LGSN: variants seen among roughly 807,000 people sequenced by gnomAD.
LGSN encodes lengsin.
Under a neutral mutation model 19.5 loss-of-function variants are expected in LGSN, and 21 were observed. The ratio of observed to expected loss-of-function variants is 1.07; its 90% CI spans 0.76 to 1.55. The LOEUF is 1.55. Among genes scored for constraint, LGSN ranks in the 40% most tolerant of loss-of-function variants. The pLI is 0.00. For missense variants in LGSN, 673 were observed against 608.5 expected, an observed-to-expected ratio of 1.11 and a Z score of -1.12; for synonymous variants, 257 against 215.6, an observed-to-expected ratio of 1.19 and a Z score of -1.68.
At chr6:63,556,359 T>C in the LGSN span, among the ~76,000 whole-genome samples, 1 of 152,086 alleles carries the variant, frequency 6.6e-6, no homozygotes, top group Non-Finnish European at 1.5e-5. Flanking sequence ...TTTTTCTTTT[T>C]TTGTAGAGAC....
chr6:63,436,453 T>G, the LGSN span, among the ~76,000 whole-genome samples: 3 of 152,234 alleles, frequency 2.0e-5, no homozygotes, highest in Non-Finnish European at 4.4e-5. Context: ...AACAAGACAT[T>G]ACCTCAAAAT....
the LGSN span, among the ~76,000 whole-genome samples, chr6:63,544,841 A>G: frequency 1.2e-3 from 185 of 152,324 alleles, 3 homozygotes; most frequent in African/African-American, 4.4e-3. Flanking sequence ...TGAAGATATT[A>G]ACTTTGGTCA....
At chr6:63,441,695 C>T in the LGSN span, 547 of 457,612 alleles carry the variant, frequency 1.2e-3, 3 homozygotes, top group African/African-American at 1.0e-2. Flanking sequence ...AGCAGCCAAG[C>T]GGGAGCAGAT....
At chr6:63,340,985 G>A in the LGSN span, among the ~76,000 whole-genome samples, 1 of 152,098 alleles carries the variant, frequency 6.6e-6, no homozygotes, top group Non-Finnish European at 1.5e-5. Flanking sequence ...GTTGTGTAGT[G>A]TGCTTTGGTT....
the LGSN span, among the ~76,000 whole-genome samples, chr6:63,489,400 ACT>A: frequency 4.6e-5 from 7 of 152,140 alleles, no homozygotes; most frequent in Non-Finnish European, 1.0e-4. Context: ...ACAGGGTCTC[ACT>A]CTGTTACTCA....
chr6:63,300,265 C>A (rs959832732), intron 1 of LGSN, among the ~76,000 whole-genome samples: 1 of 152,216 alleles, frequency 6.6e-6, no homozygotes, highest in African/African-American at 2.4e-5. Context: ...CCCAGATGGG[C>A]CCTGGCCTTC....
At chr6:63,485,933 T>C in the LGSN span, among the ~76,000 whole-genome samples, 1 of 152,100 alleles carries the variant, frequency 6.6e-6, no homozygotes, top group African/African-American at 2.4e-5. Flanking sequence ...TTTCACCATG[T>C]TGGCCCGGCT....
chr6:63,412,754 AG>A, the LGSN span, among the ~76,000 whole-genome samples: 2,504 of 70,534 alleles, frequency 0.036, 86 homozygotes, highest in Non-Finnish European at 0.043. Context: ...AAAGAAAGAA[AG>A]AAAGAAAGAA....
the LGSN span, among the ~76,000 whole-genome samples, chr6:63,330,088 G>GA: frequency 3.3e-5 from 5 of 152,216 alleles, no homozygotes; most frequent in Non-Finnish European, 7.3e-5. Flanking sequence ...GGATCATCTG[G>GA]TTGGGGCTTC....
the LGSN span, among the ~76,000 whole-genome samples, chr6:63,468,372 C>G: frequency 2.0e-5 from 3 of 152,062 alleles, no homozygotes; most frequent in African/African-American, 7.2e-5. Flanking sequence ...AAGTGATACA[C>G]CCGCCTTGGC....
the LGSN span, among the ~76,000 whole-genome samples, chr6:63,432,153 GAAA>G: frequency 2.8e-3 from 289 of 104,392 alleles, 7 homozygotes; most frequent in East Asian, 0.01. Context: ...AAGAAAGAAA[GAAA>G]GAAAGAAAGA....
intron 2 of LGSN, among the ~76,000 whole-genome samples, chr6:63,291,798 T>C (rs540563204): frequency 6.6e-6 from 1 of 152,316 alleles, no homozygotes; most frequent in South Asian, 2.1e-4. Context: ...ATTTCTTCCA[T>C]ACCTAATCTC....
chr6:63,297,348 C>T (rs1420850351), intron 1 of LGSN, among the ~76,000 whole-genome samples: 13 of 115,924 alleles, frequency 1.1e-4, no homozygotes, highest in Non-Finnish European at 2.1e-4. Flanking sequence ...GAGTGAGCCT[C>T]GGTATCAAAA....
the LGSN span, among the ~76,000 whole-genome samples, chr6:63,540,984 C>CA: frequency 7.0e-6 from 1 of 143,154 alleles, no homozygotes; most frequent in Non-Finnish European, 1.5e-5. Flanking sequence ...GCCTGGGTGA[C>CA]AGAGCAAGAC....
the LGSN span, among the ~76,000 whole-genome samples, chr6:63,350,758 A>G: frequency 0.033 from 4,998 of 152,176 alleles, 274 homozygotes; most frequent in African/African-American, 0.11. Flanking sequence ...AGGCTGAGGC[A>G]AGAGAATCAC....
Position 63,280,571 on chromosome 6 carries a change from A to G in LGSN, c.980T>C (p.Met327Thr), listed in dbSNP as rs375983689. Residue 327 changes from methionine (M) to threonine (T), a missense_variant, in exon 4 of 4, where the codon ATG (methionine) becomes ACG (threonine). Transcript: ENST00000370657. ...SLWDVDRKKNMFCSTSGTEQL... is the reference protein window; with the variant it reads ...SLWDVDRKKNTFCSTSGTEQL... ...CTCAGTTCCAGAAGTGCTGCAGAAC[A>G]TGTTTTTCTTCCTATCGACATCCCA... 4.9e-5 allele frequency: 79 copies of G among 1,614,018 alleles called. No homozygotes were observed. Among genetic ancestry groups the G allele is most frequent in the Middle Eastern group, 1.6e-4 (1 of 6,084 alleles).
chr6:63,558,778 A>G, the LGSN span, among the ~76,000 whole-genome samples: 1 of 152,234 alleles, frequency 6.6e-6, no homozygotes, highest in Admixed American at 6.5e-5. Flanking sequence ...ATTCTTTAAA[A>G]TACCAACACC....
At chr6:63,343,497 C>A in the LGSN span, among the ~76,000 whole-genome samples, 2 of 152,174 alleles carry the variant, frequency 1.3e-5, no homozygotes, top group Non-Finnish European at 2.9e-5. Context: ...CCCTGTCACT[C>A]TCCATGTGAT....
At chr6:63,447,690 T>C in the LGSN span, among the ~76,000 whole-genome samples, 2 of 152,266 alleles carry the variant, frequency 1.3e-5, no homozygotes, top group African/African-American at 4.8e-5. Context: ...CTTGTCACAA[T>C]CTTGGAATTT....
Sources: gnomAD v4.1 joint callset for allele counts (sites outside exome capture counted in the v4.1 genomes callset) on GRCh38, gnomAD v4.1.1 for gene constraint, MANE v1.5 for transcripts, NCBI Gene and HGNC (gene_info 2026-07-23, HGNC 2026-07-21) for gene names.